CPVL: variants seen among roughly 807,000 people sequenced by gnomAD.
CPVL encodes the protein probable serine carboxypeptidase CPVL.
Under a neutral mutation model 63.7 loss-of-function variants are expected in CPVL, and 51 were observed. The ratio of observed to expected loss-of-function variants is 0.80; its 90% CI spans 0.64 to 1.01. The LOEUF is 1.01. CPVL is among the 50% of genes least tolerant of loss of function. CPVL has a pLI of 0.00. For synonymous variants in CPVL, 195 were observed against 206.0 expected (o/e 0.95, Z 0.46); for missense variants, 530 against 573.1 (o/e 0.92, Z 0.77).
At chr7:29,085,354 A>G (rs958452703) in intron 7 of CPVL, among the ~76,000 whole-genome samples, 4 of 152,248 alleles carry the variant, frequency 2.6e-5, no homozygotes, top group Non-Finnish European at 5.9e-5. Flanking sequence ...CCAAATTTAA[A>G]GCAATGTAAA....
At chr7:28,997,974 C>T (rs1784253843) in intron 12 of CPVL, among the ~76,000 whole-genome samples, 1 of 152,236 alleles carries the variant, frequency 6.6e-6, no homozygotes, top group Admixed American at 6.5e-5. Context: ...TTGTGCCTCA[C>T]TGCAATGACT....
chr7:29,111,938 T>A (rs1183087394), intron 3 of CPVL, among the ~76,000 whole-genome samples: 1 of 152,198 alleles, frequency 6.6e-6, no homozygotes, highest in African/African-American at 2.4e-5. Flanking sequence ...TACTCTGCAG[T>A]GGAATAAGAT....
chr7:29,009,043 TG>T (rs1785508056), intron 12 of CPVL: 1 of 151,962 alleles, frequency 6.6e-6, no homozygotes, highest in South Asian at 2.1e-4. Flanking sequence ...ATTTTTTTTT[TG>T]AGCTGGATAT....
At chr7:29,018,604 C>T (rs1427287347) in intron 12 of CPVL, among the ~76,000 whole-genome samples, 1 of 152,084 alleles carries the variant, frequency 6.6e-6, no homozygotes, top group African/African-American at 2.4e-5. Flanking sequence ...GTCTCGAACT[C>T]CTGGCCTCAA....
chr7:29,112,071 T>C (rs115747113), intron 3 of CPVL, among the ~76,000 whole-genome samples: 2 of 152,334 alleles, frequency 1.3e-5, no homozygotes, highest in African/African-American at 4.8e-5. Flanking sequence ...TAGAAAAACA[T>C]ACCCACCTCT....
intron 2 of CPVL, among the ~76,000 whole-genome samples, chr7:29,114,660 T>A (rs191318909): frequency 8.7e-4 from 132 of 151,910 alleles, no homozygotes; most frequent in African/African-American, 3.1e-3. Context: ...GGCATGCCTC[T>A]CAAAAGGAAA....
intron 11 of CPVL, among the ~76,000 whole-genome samples, chr7:29,061,824 T>C (rs1791310291): frequency 6.6e-6 from 1 of 151,720 alleles, no homozygotes; most frequent in Non-Finnish European, 1.5e-5. Context: ...CACATGCCTA[T>C]AATCCCAGCT....
intron 5 of CPVL, among the ~76,000 whole-genome samples, chr7:29,163,873 G>A (rs1386475930): frequency 6.6e-6 from 1 of 152,098 alleles, no homozygotes; most frequent in Non-Finnish European, 1.5e-5. Flanking sequence ...TTTCATTGCT[G>A]AATTCATTGC....
intron 1 of CPVL, among the ~76,000 whole-genome samples, chr7:29,143,594 G>C (rs1397116151): frequency 6.6e-6 from 1 of 152,134 alleles, no homozygotes; most frequent in Non-Finnish European, 1.5e-5. Flanking sequence ...ATGGGATACA[G>C]AGTCCCAAAA....
intron 12 of CPVL, among the ~76,000 whole-genome samples, chr7:29,004,975 C>T (rs1334794986): frequency 6.6e-6 from 1 of 150,418 alleles, no homozygotes; most frequent in Non-Finnish European, 1.5e-5. Context: ...TGGCTCCCTG[C>T]AGCCTCTGCT....
chr7:28,995,893 AAAAGT>A lies in CPVL; in HGVS notation c.1321-16_1321-12del, dbSNP rs1784004332. 1 of 1,472,202 alleles carries A rather than the reference AAAAGT, an allele frequency of 6.8e-7. No homozygotes were observed. Among genetic ancestry groups the A allele is most frequent in the African/African-American group, 1.4e-5 (1 of 70,394 alleles). The allele number at this position is 1,472,202 out of a possible 1,614,324, so 91.2% of individuals were successfully genotyped here. A position where few individuals can be genotyped will look rare whatever the true frequency, so the allele number is the denominator to read the frequency against. On this transcript the variant is annotated splice_polypyrimidine_tract_variant and intron_variant, in intron 12 of 12. Coordinates refer to ENST00000265394, the MANE Select transcript of CPVL (RefSeq NM_031311.5). ...ACCTCGAATAATTACCTTAAAAAGA[AAAAGT>A]AAAAGAACGGAAATTTAGAGAAATG...
intron 11 of CPVL, among the ~76,000 whole-genome samples, chr7:29,057,188 C>A (rs1432379776): frequency 2.0e-5 from 3 of 151,944 alleles, no homozygotes; most frequent in African/African-American, 7.2e-5. Context: ...TTTCAAACTC[C>A]TGGGTGATCC....
rs1235391189 is a variant in CPVL at position 29,094,256 on chromosome 7, G to T, written c.462+828C>A. On this transcript the variant is annotated intron_variant, in intron 5 of 12. Transcript: ENST00000265394. The stretch of plus-strand genomic sequence containing the variant: ...TTCAGGAGGCTGAGGCAGGAGAATT[G>T]CTTCAACCTGGGAAGTGGAGGTTGC... 2.0e-5 allele frequency among the ~76,000 whole-genome samples: 3 copies of T among 151,696 alleles called. No homozygotes were observed. The East Asian group carries it at 5.9e-4, about 30-fold the overall frequency.
intron 4 of CPVL, among the ~76,000 whole-genome samples, chr7:29,182,509 A>G (rs147501456): frequency 6.6e-6 from 1 of 152,344 alleles, no homozygotes; most frequent in East Asian, 1.9e-4. Context: ...CTATTTAACT[A>G]CTTGACAAGT....
chr7:29,042,160 T>C (rs1289918695), intron 11 of CPVL, among the ~76,000 whole-genome samples: 2 of 152,144 alleles, frequency 1.3e-5, no homozygotes, highest in Non-Finnish European at 2.9e-5. Context: ...TTGGAAACTA[T>C]GTCCATGTGG....
At chr7:29,072,022 GTAGGATA>G in intron 8 of CPVL, 118 bp from the exon 9 acceptor site, 1 of 1,269,786 alleles carries the variant, frequency 7.9e-7, no homozygotes, top group Non-Finnish European at 1.1e-6. Context: ...GGTTAGCCAA[GTAGGATA>G]ATTACATGCA....
intron 3 of CPVL, among the ~76,000 whole-genome samples, chr7:29,102,270 T>C (rs1787220373): frequency 6.6e-6 from 1 of 152,180 alleles, no homozygotes; most frequent in Non-Finnish European, 1.5e-5. Flanking sequence ...AGTCGATATA[T>C]GCACAGCACT....
Position 29,071,851 on chromosome 7 carries a change from C to A in CPVL, c.786G>T (p.Lys262Asn). Residue 262 changes from lysine to asparagine, a missense_variant, in exon 9 of 13, where the codon AAG becomes AAT. Transcript: ENST00000265394. ...ACTGCTTCTGGAAGTACTTTTTTTG[C>A]TTCTCATCCAACAAGCCAATTTGGT... is the stretch of plus-strand genomic sequence containing the variant. ...FLYQIGLLDE[K>N]QKKYFQKQCH... The A allele has an allele frequency of 6.2e-7, 1 of 1,613,858 alleles. No homozygotes were observed. The highest frequency in any genetic ancestry group is 8.5e-7 in the Non-Finnish European group (1 of 1,179,914).
intron 3 of CPVL, among the ~76,000 whole-genome samples, chr7:29,111,471 T>C (rs926067463): frequency 1.3e-5 from 2 of 152,144 alleles, no homozygotes; most frequent in African/African-American, 4.8e-5. Flanking sequence ...TCTCCTTGCA[T>C]TGCAAGCTCT....
Sources: gnomAD v4.1 joint callset for allele counts (sites outside exome capture counted in the v4.1 genomes callset) on GRCh38, gnomAD v4.1.1 for gene constraint, MANE v1.5 for transcripts, NCBI Gene and HGNC (gene_info 2026-07-23, HGNC 2026-07-21) for gene names.